The following ENAH variants were observed in gnomAD, a reference collection of about 807,000 sequenced individuals.
ENAH encodes protein enabled homolog.
In ENAH, 23 loss-of-function variants were observed where a neutral mutation model predicts 78.7. The ratio of observed to expected loss-of-function variants is 0.29; its 90% CI spans 0.21 to 0.41. The LOEUF is 0.41. Ranked by LOEUF, ENAH falls within the 10% of genes least tolerant of loss-of-function variation. The probability of loss-of-function intolerance (pLI) is 1.00; values close to 1 mark genes in which losing one functional copy is unlikely to be tolerated. For missense variants in ENAH, 544 were observed against 691.0 expected (o/e 0.79, Z 2.39); for synonymous variants, 226 against 241.0 (o/e 0.94, Z 0.58).
At chr1:225,551,499 G>C (rs1041357816) in intron 3 of ENAH, among the ~76,000 whole-genome samples, 1 of 152,106 alleles carries the variant, frequency 6.6e-6, no homozygotes, top group African/African-American at 2.4e-5. Flanking sequence ...CAAAACGTGA[G>C]CTAGTAATTT....
At chr1:225,652,528 G>A (rs745463877) in intron 1 of ENAH, 158 bp downstream of exon 1, 1 of 826,328 alleles carries the variant, frequency 1.2e-6, no homozygotes, top group Admixed American at 6.2e-5. Context: ...GAAAGAAAGA[G>A]AAATTGGAAG....
At chr1:225,585,228 A>G (rs1349199103) in intron 1 of ENAH, among the ~76,000 whole-genome samples, 1 of 147,836 alleles carries the variant, frequency 6.8e-6, no homozygotes, top group Non-Finnish European at 1.5e-5. Flanking sequence ...AAAAAAAAAA[A>G]AAAAAAAAAA....
At position 225,554,933 on chromosome 1, in the gene ENAH, A is replaced by C; in HGVS notation, c.322T>G (p.Leu108Val). The change falls in exon 3 of 14, where the codon TTA (leucine) becomes GTA (valine). Residue 108 changes from leucine to valine, a missense_variant. Physicochemically the swap from Leu to Val is conservative, Grantham distance 32. Around this residue, in one of 4 missense-constraint regions of ENAH, gnomAD observed 77 missense variants for 151.8 expected, o/e 0.51. Transcript: ENST00000366843. The part of the protein sequence containing the change: ...NVFASAMMHA[L>V]EVLNSQETGP... The stretch of plus-strand genomic sequence containing the variant: ...GTTTCCTGTGAATTTAACACTTCTA[A>C]GGCATGCATCATGGCACTTGCGAAG... 1.9e-6 allele frequency: 3 copies of C among 1,589,098 alleles called. No homozygotes were observed. Among genetic ancestry groups the C allele is most frequent in the Non-Finnish European group, 2.6e-6 (3 of 1,160,174 alleles).
At chr1:225,559,440 C>T (rs2151455095) in intron 2 of ENAH, among the ~76,000 whole-genome samples, 1 of 152,286 alleles carries the variant, frequency 6.6e-6, no homozygotes, top group South Asian at 2.1e-4. Context: ...ACCTTCTATA[C>T]ATTCTTACAG....
intron 1 of ENAH, among the ~76,000 whole-genome samples, chr1:225,579,589 T>TA (rs938449357): frequency 5.3e-5 from 8 of 152,258 alleles, no homozygotes; most frequent in Non-Finnish European, 8.8e-5. Flanking sequence ...TAGATACAGA[T>TA]AGAGATTCAC....
In ENAH at chr1:225,512,718, C is replaced by A; in HGVS notation, c.1365-4G>T. ...TCCCTTTTCAGCAATTCTTCTCCTA[C>A]AAAGAAGGCAAATCCGATTTTTAAA... is the stretch of plus-strand genomic sequence containing the variant. On this transcript the variant is annotated splice_region_variant and splice_polypyrimidine_tract_variant and intron_variant, in intron 8 of 13. Coordinates refer to ENST00000366843, the MANE Select transcript of ENAH (RefSeq NM_018212.6). The A allele has an allele frequency of 6.2e-7, 1 of 1,613,296 alleles. No individual in the cohort carries two copies. The highest frequency in any genetic ancestry group is 1.1e-5 in the South Asian group (1 of 90,826).
chr1:225,511,696 G>T, intron 10 of ENAH, 115 bp downstream of exon 10: 1 of 620,898 alleles, frequency 1.6e-6, no homozygotes, highest in Non-Finnish European at 2.7e-6. Flanking sequence ...AAGAACTCTG[G>T]CATTTTAGTG....
chr1:225,560,955 G>A (rs2096700734), intron 2 of ENAH, among the ~76,000 whole-genome samples: 1 of 152,196 alleles, frequency 6.6e-6, no homozygotes, highest in Non-Finnish European at 1.5e-5. Flanking sequence ...GAAATCTGGG[G>A]TTGGGCACAG....
intron 1 of ENAH, among the ~76,000 whole-genome samples, chr1:225,646,560 G>T (rs551908860): frequency 3.2e-4 from 48 of 152,270 alleles, no homozygotes; most frequent in African/African-American, 1.1e-3. Context: ...GCTCCCACCT[G>T]TAATCCCACG....
chr1:225,599,601 T>C (rs1190289107), intron 1 of ENAH, among the ~76,000 whole-genome samples: 1 of 149,838 alleles, frequency 6.7e-6, no homozygotes, highest in Non-Finnish European at 1.5e-5. Context: ...AGGTCAGGAG[T>C]TCAAGACCAG....
At chr1:225,547,699 A>G (rs982086906) in intron 3 of ENAH, among the ~76,000 whole-genome samples, 7 of 152,138 alleles carry the variant, frequency 4.6e-5, no homozygotes, top group Non-Finnish European at 1.0e-4. Flanking sequence ...TTCTGAATTT[A>G]TTCCCACCAG....
At chr1:225,541,216 C>T (rs1302746925) in intron 3 of ENAH, among the ~76,000 whole-genome samples, 3 of 152,142 alleles carry the variant, frequency 2.0e-5, no homozygotes, top group East Asian at 1.9e-4. Context: ...GTGCGGATCA[C>T]GTGGTCAGGA....
At chr1:225,564,608 A>G (rs2096725692) in intron 2 of ENAH, among the ~76,000 whole-genome samples, 1 of 151,650 alleles carries the variant, frequency 6.6e-6, no homozygotes, top group Non-Finnish European at 1.5e-5. Flanking sequence ...TTGGGTTTTA[A>G]AAAATAGTTT....
intron 1 of ENAH, among the ~76,000 whole-genome samples, chr1:225,589,649 G>C (rs965844557): frequency 1.2e-4 from 18 of 152,100 alleles, no homozygotes; most frequent in African/African-American, 4.3e-4. Context: ...TATTATTGTT[G>C]CATTGTTTTT....
intron 1 of ENAH, among the ~76,000 whole-genome samples, chr1:225,624,841 ATC>A: frequency 6.6e-6 from 1 of 152,200 alleles, no homozygotes; most frequent in African/African-American, 2.4e-5. Flanking sequence ...TGCTTTTGTT[ATC>A]TGTCACAGGG....
At chr1:225,577,314 A>G (rs2096793208) in intron 1 of ENAH, among the ~76,000 whole-genome samples, 1 of 152,228 alleles carries the variant, frequency 6.6e-6, no homozygotes, top group African/African-American at 2.4e-5. Flanking sequence ...TCTTGCTAAG[A>G]ATCAGGAGAA....
At chr1:225,554,481 T>C (rs547471320) in intron 3 of ENAH, among the ~76,000 whole-genome samples, 1 of 152,314 alleles carries the variant, frequency 6.6e-6, no homozygotes, top group African/African-American at 2.4e-5. Context: ...GACCCAGTCC[T>C]ACTTCAAGTC....
At chr1:225,539,729 C>T (rs894867782) in intron 3 of ENAH, among the ~76,000 whole-genome samples, 2 of 152,130 alleles carry the variant, frequency 1.3e-5, no homozygotes, top group Non-Finnish European at 2.9e-5. Flanking sequence ...CTAGGTACAC[C>T]GGTCTCTCAA....
At chr1:225,648,955 T>C (rs1662477882) in intron 1 of ENAH, among the ~76,000 whole-genome samples, 1 of 152,066 alleles carries the variant, frequency 6.6e-6, no homozygotes, top group Admixed American at 6.6e-5. Context: ...ATAATAAAAA[T>C]GTGGTCTTTT....
Sources: gnomAD v4.1 joint callset for allele counts (sites outside exome capture counted in the v4.1 genomes callset) on GRCh38, gnomAD v4.1.1 for gene constraint, gnomAD v4.1.1 regional missense constraint, MANE v1.5 for transcripts, NCBI Gene and HGNC (gene_info 2026-07-23, HGNC 2026-07-21) for gene names.